KPNA3: variants seen among roughly 807,000 people sequenced by gnomAD.
The protein encoded by KPNA3 is importin subunit alpha-4.
Under a neutral mutation model 73.8 loss-of-function variants are expected in KPNA3, and 13 were observed. The observed-to-expected ratio is 0.18, with a 90% CI of 0.11 to 0.28. The LOEUF (loss-of-function observed/expected upper bound fraction) is 0.28. KPNA3 is among the 10% of genes least tolerant of loss of function. KPNA3 has a pLI of 1.00. For missense variants in KPNA3, 360 were observed against 618.1 expected (o/e 0.58, Z 4.43); for synonymous variants, 186 against 206.9 (o/e 0.90, Z 0.87).
intron 2 of KPNA3, among the ~76,000 whole-genome samples, chr13:49,733,511 A>G (rs1954490815): frequency 6.6e-6 from 1 of 151,888 alleles, no homozygotes; most frequent in Non-Finnish European, 1.5e-5. Context: ...CTGATCTCAA[A>G]CTCCTGGCCT....
At chr13:49,722,296 A>G (rs965836690) in intron 8 of KPNA3, among the ~76,000 whole-genome samples, 172 bp from the exon 9 acceptor site, 1 of 152,228 alleles carries the variant, frequency 6.6e-6, no homozygotes, top group Non-Finnish European at 1.5e-5. Context: ...AATTTAACCT[A>G]CCAATGCTAA....
chr13:49,758,811 A>T (rs115335503), intron 1 of KPNA3, among the ~76,000 whole-genome samples: 25 of 152,260 alleles, frequency 1.6e-4, no homozygotes, highest in African/African-American at 5.8e-4. Flanking sequence ...TTTTAATCCT[A>T]TATCTATCCA....
chr13:49,771,688 G>T (rs778900532), intron 1 of KPNA3, among the ~76,000 whole-genome samples: 5 of 152,264 alleles, frequency 3.3e-5, no homozygotes, highest in Middle Eastern at 6.8e-3. Context: ...CACCCAGGCT[G>T]GAGGCTCTAC....
At chr13:49,747,208 G>T (rs905235064) in intron 1 of KPNA3, among the ~76,000 whole-genome samples, 1 of 152,034 alleles carries the variant, frequency 6.6e-6, no homozygotes, top group Non-Finnish European at 1.5e-5. Flanking sequence ...AGCCGGGCTT[G>T]GTGGCAGGCA....
At chr13:49,735,349 T>TGACCTCAGGTGATCCGCC (rs1954512507) in intron 2 of KPNA3, among the ~76,000 whole-genome samples, 1 of 152,114 alleles carries the variant, frequency 6.6e-6, no homozygotes, top group Non-Finnish European at 1.5e-5. Context: ...CTCGAACTCC[T>TGACCTCAGGTGATCCGCC]GACCTCAGGT....
chr13:49,784,204 A>G (rs1360184416), intron 1 of KPNA3, among the ~76,000 whole-genome samples: 4 of 152,230 alleles, frequency 2.6e-5, no homozygotes, highest in Non-Finnish European at 5.9e-5. Flanking sequence ...AGCCCAGGTA[A>G]CAGCAAGATT....
At position 49,699,450 on chromosome 13, in the gene KPNA3, TAAC is replaced by T. The variant is rs895997788; in HGVS notation, c.*2347_*2349del. 3 of 152,458 alleles carry T rather than the reference TAAC, an allele frequency of 2.0e-5. No individual in the cohort carries two copies. The highest frequency in any genetic ancestry group is 4.2e-4 in the South Asian group (2 of 4,812). 9.4% of individuals were successfully genotyped at this position (152,458 alleles called of 1,614,324 possible). On this transcript the variant is annotated 3_prime_UTR_variant, in exon 17 of 17. Coordinates refer to ENST00000261667, the MANE Select transcript of KPNA3 (RefSeq NM_002267.4). The stretch of plus-strand genomic sequence containing the variant: ...TTTTTAAACTGAGTTTAAAAAAAAA[TAAC>T]AATGCAATTTTTAAACACTGTTTTG...
chr13:49,764,753 T>TA lies in KPNA3; in HGVS notation c.70-17761dup, dbSNP rs879573361. On this transcript the variant is annotated intron_variant, in intron 1 of 16. Coordinates refer to ENST00000261667, the MANE Select transcript of KPNA3 (RefSeq NM_002267.4). ...CATGAGCATGACCATGTCTTTCACT[T>TA]AAAAAAAAAAAAAAGAACCTTTCTC... Among the ~76,000 whole-genome samples the TA allele has an allele frequency of 3.2e-3, 460 of 141,976 alleles. 2 individuals are homozygous for TA. The highest frequency in any genetic ancestry group is 7.2e-3 in the Middle Eastern group (2 of 278). The allele number at this position is 141,976 out of a possible 152,430, so 93.1% of individuals were successfully genotyped here. A position where few individuals can be genotyped will look rare whatever the true frequency, so the allele number is the denominator to read the frequency against.
intron 2 of KPNA3, among the ~76,000 whole-genome samples, chr13:49,734,932 T>TAGAGAGAGAGAGAG (rs1395572299): frequency 1.6e-4 from 14 of 89,288 alleles, no homozygotes; most frequent in South Asian, 1.3e-3. Context: ...CATATATATA[T>TAGAGAGAGAGAGAG]ATATATAGAG....
At chr13:49,705,459 T>C (rs150519849) in intron 15 of KPNA3, among the ~76,000 whole-genome samples, 162 bp downstream of exon 15, 13 of 151,614 alleles carry the variant, frequency 8.6e-5, no homozygotes, top group African/African-American at 2.7e-4. Context: ...TTCTGGAAAA[T>C]CCTCTTGGAA....
chr13:49,760,414 C>CAAA (rs1365099527), intron 1 of KPNA3, among the ~76,000 whole-genome samples: 2 of 60,098 alleles, frequency 3.3e-5, no homozygotes, highest in Non-Finnish European at 6.5e-5. Context: ...GATCCCATCT[C>CAAA]AAAAAAAAAA....
chr13:49,733,818 G>A (rs1359308126), intron 2 of KPNA3, among the ~76,000 whole-genome samples: 1 of 152,164 alleles, frequency 6.6e-6, no homozygotes, highest in Non-Finnish European at 1.5e-5. Context: ...TGGAGAATAA[G>A]ACTGTGTGGA....
chr13:49,792,672 G>GCGGGCCGACTGC lies in KPNA3; in HGVS notation c.-167_-166insGCAGTCGGCCCG, dbSNP rs1394379303. The GCGGGCCGACTGC allele has an allele frequency of 2.0e-6, 1 of 511,448 alleles. No homozygotes were observed. Among genetic ancestry groups the GCGGGCCGACTGC allele is most frequent in the Non-Finnish European group, 3.4e-6 (1 of 295,124 alleles). 31.7% of individuals were successfully genotyped at this position (511,448 alleles called of 1,614,324 possible). The stretch of plus-strand genomic sequence containing the variant: ...AGGTGGCAGTAGCGCCGGGGGAGGC[G>GCGGGCCGACTGC]CGGGCCGACTGCCGGGCCGGGTGGG... On this transcript the variant is annotated 5_prime_UTR_variant, in exon 1 of 17. Coordinates refer to ENST00000261667, the MANE Select transcript of KPNA3 (RefSeq NM_002267.4).
At chr13:49,775,448 A>C (rs866165659) in intron 1 of KPNA3, among the ~76,000 whole-genome samples, 1 of 152,164 alleles carries the variant, frequency 6.6e-6, no homozygotes, top group Non-Finnish European at 1.5e-5. Flanking sequence ...ACAGGCTCTC[A>C]TGCTAATACC....
At chr13:49,702,885 G>A (rs1388946033) in intron 15 of KPNA3, among the ~76,000 whole-genome samples, 7 of 151,792 alleles carry the variant, frequency 4.6e-5, no homozygotes, top group South Asian at 2.1e-4. Context: ...TTTTTGAGAC[G>A]GAGTCTCGCT....
chr13:49,744,603 G>C (rs1401405711), intron 2 of KPNA3, among the ~76,000 whole-genome samples: 4 of 152,132 alleles, frequency 2.6e-5, no homozygotes, highest in South Asian at 4.1e-4. Flanking sequence ...GTTGTGAGTA[G>C]CTGGAACTAC....
intron 2 of KPNA3, among the ~76,000 whole-genome samples, chr13:49,738,048 C>T (rs563042168): frequency 7.2e-5 from 11 of 152,256 alleles, no homozygotes; most frequent in African/African-American, 2.6e-4. Context: ...TTGTGCTTTA[C>T]ATTTAATTCT....
chr13:49,767,729 C>T lies in KPNA3; in HGVS notation c.70-20736G>A, dbSNP rs140795946. ...AACCTATTACTTAACCTCTCTGAACCCCAGAGTCCCCACTTAGGAAACGAG... is the reference window on the plus strand; with the variant it reads ...AACCTATTACTTAACCTCTCTGAACTCCAGAGTCCCCACTTAGGAAACGAG... On this transcript the variant is annotated intron_variant, in intron 1 of 16. Coordinates refer to ENST00000261667, the MANE Select transcript of KPNA3 (RefSeq NM_002267.4). Among the ~76,000 whole-genome samples, 1,220 of 152,232 alleles carry T rather than the reference C, an allele frequency of 8.0e-3. 9 individuals carry two copies. Among genetic ancestry groups the T allele is most frequent in the Non-Finnish European group, 0.011 (756 of 68,004 alleles).
intron 1 of KPNA3, among the ~76,000 whole-genome samples, chr13:49,758,023 T>C (rs1234235397): frequency 6.6e-6 from 1 of 152,004 alleles, no homozygotes; most frequent in African/African-American, 2.4e-5. Context: ...TTTTAAAGGA[T>C]ATACATCAGA....
Sources: gnomAD v4.1 joint callset for allele counts (sites outside exome capture counted in the v4.1 genomes callset) on GRCh38, gnomAD v4.1.1 for gene constraint, MANE v1.5 for transcripts, NCBI Gene and HGNC (gene_info 2026-07-23, HGNC 2026-07-21) for gene names.